The following PTPRN2 variants were observed in gnomAD, a reference collection of about 807,000 sequenced individuals.
The protein encoded by PTPRN2 is protein tyrosine phosphatase receptor type N2.
Under a neutral mutation model 118.8 loss-of-function variants are expected in PTPRN2, and 74 were observed. The observed-to-expected ratio is 0.62, with a 90% CI of 0.52 to 0.76. PTPRN2 has a LOEUF of 0.76. Among genes scored for constraint, PTPRN2 ranks in the 30% least tolerant of loss-of-function variants. The pLI, the probability that PTPRN2 is intolerant of heterozygous loss-of-function variation, is 0.00. For missense variants in PTPRN2, 1,481 were observed against 1,394.4 expected (o/e 1.06, Z -0.99); for synonymous variants, 641 against 608.0 (o/e 1.05, Z -0.80).
chr7:157,957,783 A>T (rs11773154), intron 11 of PTPRN2, among the ~76,000 whole-genome samples: 2 of 151,954 alleles, frequency 1.3e-5, no homozygotes, highest in Admixed American at 6.6e-5. Flanking sequence ...TCCTGCAGTC[A>T]CTGGTTTGAT....
chr7:158,112,543 C>T (rs559115833), intron 9 of PTPRN2, among the ~76,000 whole-genome samples: 24 of 152,250 alleles, frequency 1.6e-4, no homozygotes, highest in South Asian at 1.5e-3. Flanking sequence ...GAGGCCATGC[C>T]GGTGGAGTCC....
intron 12 of PTPRN2, among the ~76,000 whole-genome samples, chr7:157,707,602 CAG>C (rs1405204136): frequency 1.3e-5 from 2 of 150,346 alleles, no homozygotes; most frequent in Non-Finnish European, 3.0e-5. Context: ...TTTTTTGAGA[CAG>C]AGTCTCACTC....
chr7:158,127,279 C>A (rs925598494), intron 9 of PTPRN2, among the ~76,000 whole-genome samples: 13 of 151,926 alleles, frequency 8.6e-5, no homozygotes, highest in Non-Finnish European at 1.8e-4. Context: ...CATCCGTGCA[C>A]CTGTGCCCTG....
intron 3 of PTPRN2, among the ~76,000 whole-genome samples, chr7:158,308,500 T>A (rs754744389): frequency 2.2e-4 from 34 of 152,116 alleles, no homozygotes; most frequent in Non-Finnish European, 1.8e-4. Flanking sequence ...TAATTTTCTT[T>A]AAAAAACCTG....
intron 22 of PTPRN2, among the ~76,000 whole-genome samples, chr7:157,543,493 C>T (rs1798110671): frequency 6.6e-6 from 1 of 152,172 alleles, no homozygotes; most frequent in Non-Finnish European, 1.5e-5. Context: ...CACGGGGTGC[C>T]CACATAGTTG....
intron 12 of PTPRN2, among the ~76,000 whole-genome samples, chr7:157,882,011 C>T (rs1330974242): frequency 6.6e-6 from 1 of 151,968 alleles, no homozygotes; most frequent in East Asian, 1.9e-4. Context: ...AAGAACAGAA[C>T]ATGCTGCCCC....
chr7:158,435,164 A>G (rs1195720995), intron 2 of PTPRN2, among the ~76,000 whole-genome samples: 1 of 152,258 alleles, frequency 6.6e-6, no homozygotes, highest in Non-Finnish European at 1.5e-5. Flanking sequence ...AAGGCAATCT[A>G]CAGAACAGGA....
At chr7:157,913,744 C>T (rs994460256) in intron 11 of PTPRN2, among the ~76,000 whole-genome samples, 22 of 152,078 alleles carry the variant, frequency 1.4e-4, no homozygotes, top group South Asian at 2.1e-4. Flanking sequence ...TTTTAATTTG[C>T]TATTATTTGG....
intron 10 of PTPRN2, among the ~76,000 whole-genome samples, chr7:158,094,413 GA>G (rs1418539458): frequency 6.6e-6 from 1 of 152,154 alleles, no homozygotes; most frequent in African/African-American, 2.4e-5. Flanking sequence ...GGGTTCAAGT[GA>G]TTCTCCTGCC....
chr7:157,672,741 T>C (rs1303332333), intron 13 of PTPRN2, among the ~76,000 whole-genome samples: 1 of 152,266 alleles, frequency 6.6e-6, no homozygotes, highest in Non-Finnish European at 1.5e-5. Context: ...ACTCTTTTAA[T>C]TGATTAGCTA....
chr7:158,170,389 A>G (rs1385062305), intron 5 of PTPRN2, among the ~76,000 whole-genome samples: 1 of 152,194 alleles, frequency 6.6e-6, no homozygotes, highest in Non-Finnish European at 1.5e-5. Context: ...GCTTCCACGC[A>G]AAGGGCCTTT....
intron 12 of PTPRN2, chr7:157,857,536 C>T (rs1372203871): frequency 6.6e-6 from 1 of 152,266 alleles, no homozygotes; most frequent in Non-Finnish European, 1.5e-5. Context: ...GTGGCTGCTC[C>T]TACTCATGCC....
At chr7:157,549,342 C>T (rs1293110113) in intron 21 of PTPRN2, among the ~76,000 whole-genome samples, 1 of 146,094 alleles carries the variant, frequency 6.8e-6, no homozygotes, top group Non-Finnish European at 1.5e-5. Context: ...TTTTTTGTGA[C>T]ACTTCAGGGA....
At chr7:158,394,321 T>C (rs1359482899) in intron 2 of PTPRN2, among the ~76,000 whole-genome samples, 1 of 152,148 alleles carries the variant, frequency 6.6e-6, no homozygotes, top group African/African-American at 2.4e-5. Context: ...GGTATAATTT[T>C]TCTTGGCACA....
At chr7:157,559,978 G>A (rs112920672) in intron 21 of PTPRN2, among the ~76,000 whole-genome samples, 43 of 152,290 alleles carry the variant, frequency 2.8e-4, no homozygotes, top group African/African-American at 9.6e-4. Flanking sequence ...GGGAGGGGAG[G>A]GCCTGGATGG....
rs190381317 is a variant in PTPRN2, at chr7:157,838,321, C to T, written c.1788+60352G>A. 6.0e-5 allele frequency among the ~76,000 whole-genome samples: 9 copies of T among 150,692 alleles called. No individual in the cohort carries two copies. In the East Asian group the frequency reaches 1.4e-3, roughly 23 times the overall value. On this transcript the variant is annotated intron_variant, in intron 12 of 22. Coordinates refer to ENST00000389418, the MANE Select transcript of PTPRN2 (RefSeq NM_002847.5). ...GTGGATGGCATGGGAGAAAGCTCCT[C>T]TCCGCCGTGCCTACTCCAGTTCCTC...
rs189538456 is a variant in PTPRN2 at position 158,198,984 on chromosome 7, T to C, written c.380+6187A>G. ...TAGCCCTTAGCATGTTCTTCTCAGG[T>C]TCTGGCTTCTCAGATCCTCCTTAGC... is the stretch of plus-strand genomic sequence containing the variant. On this transcript the variant is annotated intron_variant, in intron 4 of 22. Coordinates refer to ENST00000389418, the MANE Select transcript of PTPRN2 (RefSeq NM_002847.5). 1.2e-4 allele frequency among the ~76,000 whole-genome samples: 18 copies of C among 151,676 alleles called. No individual in the cohort carries two copies. The East Asian group carries it at 3.5e-3, about 30-fold the overall frequency.
intron 1 of PTPRN2, among the ~76,000 whole-genome samples, chr7:158,542,194 A>C (rs901650905): frequency 6.6e-6 from 1 of 152,222 alleles, no homozygotes; most frequent in Non-Finnish European, 1.5e-5. Flanking sequence ...TCTGTCACCC[A>C]GCCTGGAGTG....
At chr7:158,252,136 G>T (rs1298712863) in intron 3 of PTPRN2, among the ~76,000 whole-genome samples, 1 of 152,174 alleles carries the variant, frequency 6.6e-6, no homozygotes, top group Non-Finnish European at 1.5e-5. Context: ...TGGCAACTCT[G>T]CTCTGGTTGC....
Sources: gnomAD v4.1 joint callset for allele counts (sites outside exome capture counted in the v4.1 genomes callset) on GRCh38, gnomAD v4.1.1 for gene constraint, MANE v1.5 for transcripts, NCBI Gene and HGNC (gene_info 2026-07-23, HGNC 2026-07-21) for gene names.